The following SKIL variants were observed in gnomAD, a reference collection of about 807,000 sequenced individuals.
SKIL encodes ski-like protein.
In SKIL, 20 loss-of-function variants were observed where a neutral mutation model predicts 69.6. The observed-to-expected ratio is 0.29, with a 90% CI of 0.20 to 0.42. The LOEUF (loss-of-function observed/expected upper bound fraction) is 0.42, where lower values mean the gene tolerates loss of function less well. Ranked by LOEUF, SKIL falls within the 10% of genes least tolerant of loss-of-function variation. The probability of loss-of-function intolerance (pLI) is 1.00; values close to 1 mark genes in which losing one functional copy is unlikely to be tolerated. For synonymous variants in SKIL, 310 were observed against 279.9 expected (o/e 1.11, Z -1.08); for missense variants, 745 against 783.1 (o/e 0.95, Z 0.58).
At chr3:170,362,252 C>T (rs1736279688) in intron 2 of SKIL, among the ~76,000 whole-genome samples, 1 of 152,144 alleles carries the variant, frequency 6.6e-6, no homozygotes, top group Admixed American at 6.5e-5. Context: ...CCTGTAATCC[C>T]AACACTTTGG....
chr3:170,368,365 G>A (rs1457372596), intron 2 of SKIL, among the ~76,000 whole-genome samples: 9 of 152,156 alleles, frequency 5.9e-5, no homozygotes, highest in African/African-American at 2.2e-4. Flanking sequence ...TTGGAACCGA[G>A]TTCAAAGCCT....
intron 2 of SKIL, among the ~76,000 whole-genome samples, chr3:170,376,135 C>T (rs1457460794): frequency 6.7e-6 from 1 of 150,338 alleles, no homozygotes; most frequent in African/African-American, 2.5e-5. Flanking sequence ...GCAACCTCCA[C>T]CTCCTGGGTT....
At chr3:170,365,586 ACT>A (rs1478676953) in intron 2 of SKIL, among the ~76,000 whole-genome samples, 1 of 152,004 alleles carries the variant, frequency 6.6e-6, no homozygotes, top group Non-Finnish European at 1.5e-5. Flanking sequence ...TGGTTCTCAA[ACT>A]CTGTTTTAAC....
rs1256221261 is a variant in SKIL, at chr3:170,361,141, C to A, written c.810C>A (p.Gly270=). 6.2e-7 allele frequency: 1 copy of A among 1,614,168 alleles called. No homozygotes were observed. The highest frequency in any genetic ancestry group is 8.5e-7 in the Non-Finnish European group (1 of 1,180,032). ...TTGAAGTGGAGCATGAATGCCTAGG[C>A]AAATGTCAGGGTTTATTTGCACCCC... is the stretch of plus-strand genomic sequence containing the variant. The part of the protein sequence containing the change: ...SAFEVEHECL[G]KCQGLFAPQF... The change falls in exon 2 of 7, where the codon GGC becomes GGA. Residue 270 remains glycine (G), a synonymous_variant. Transcript: ENST00000259119.
chr3:170,380,375 G>A (rs941819006), intron 2 of SKIL, among the ~76,000 whole-genome samples: 27 of 152,140 alleles, frequency 1.8e-4, no homozygotes, highest in African/African-American at 6.5e-4. Flanking sequence ...AGGCTCAGTG[G>A]CTCATGCCTG....
chr3:170,390,702 G>A (rs1037264115), intron 5 of SKIL, among the ~76,000 whole-genome samples: 1 of 152,024 alleles, frequency 6.6e-6, no homozygotes, highest in Non-Finnish European at 1.5e-5. Flanking sequence ...GGCCAGGCTC[G>A]AACTTTTGAC....
At chr3:170,370,439 G>GCCCCC (rs34185518) in intron 2 of SKIL, among the ~76,000 whole-genome samples, 11 of 11,190 alleles carry the variant, frequency 9.8e-4, no homozygotes, top group Non-Finnish European at 1.4e-3. Context: ...GAGAGAGAGA[G>GCCCCC]CCCCCCCCCC....
rs919385991 is a variant in SKIL at position 170,360,095 on chromosome 3, C to T, written c.-237C>T. The T allele has an allele frequency of 2.0e-5, 8 of 406,408 alleles. No homozygotes were observed. Among genetic ancestry groups the T allele is most frequent in the African/African-American group, 6.2e-5 (3 of 48,446 alleles). The allele number at this position is 406,408 out of a possible 1,614,324, so 25.2% of individuals were successfully genotyped here. A position where few individuals can be genotyped will look rare whatever the true frequency, so the allele number is the denominator to read the frequency against. ...GCATCCTCAGAGGTGTGCCTCTTTT[C>T]TTTATTATTAGAGGCAAAACGAACA... On this transcript the variant is annotated 5_prime_UTR_variant, in exon 2 of 7. Coordinates refer to ENST00000259119, the MANE Select transcript of SKIL (RefSeq NM_005414.5).
chr3:170,363,634 A>G (rs1048609469), intron 2 of SKIL, among the ~76,000 whole-genome samples: 12 of 151,346 alleles, frequency 7.9e-5, no homozygotes, highest in African/African-American at 2.9e-4. Flanking sequence ...TACAGGCATC[A>G]GCCACCACAC....
chr3:170,367,806 T>C (rs913910053), intron 2 of SKIL, among the ~76,000 whole-genome samples: 1 of 152,174 alleles, frequency 6.6e-6, no homozygotes, highest in Non-Finnish European at 1.5e-5. Context: ...GGACTACTCT[T>C]AGGTAAGTAA....
At chr3:170,363,970 G>A (rs746960257) in intron 2 of SKIL, among the ~76,000 whole-genome samples, 21 of 151,510 alleles carry the variant, frequency 1.4e-4, no homozygotes, top group Middle Eastern at 3.4e-3. Context: ...TTTTTTTGTA[G>A]AGACAAGTCT....
intron 2 of SKIL, among the ~76,000 whole-genome samples, chr3:170,370,453 C>G (rs1323670472): frequency 2.7e-4 from 13 of 47,850 alleles, no homozygotes; most frequent in East Asian, 5.7e-4. Context: ...CCCCCCCCCC[C>G]CCGAGCAGGA....
At chr3:170,375,015 AATAG>A (rs1482680142) in intron 2 of SKIL, among the ~76,000 whole-genome samples, 1 of 152,226 alleles carries the variant, frequency 6.6e-6, no homozygotes, top group Non-Finnish European at 1.5e-5. Context: ...TTCAACAAAT[AATAG>A]ATATTTGATA....
chr3:170,367,868 T>G (rs1280149480), intron 2 of SKIL, among the ~76,000 whole-genome samples: 5 of 152,208 alleles, frequency 3.3e-5, no homozygotes, highest in African/African-American at 1.2e-4. Context: ...ATAGATTACT[T>G]ATGATACAAA....
intron 3 of SKIL, among the ~76,000 whole-genome samples, chr3:170,382,158 T>C (rs1737387087): frequency 6.6e-6 from 1 of 152,194 alleles, no homozygotes; most frequent in Non-Finnish European, 1.5e-5. Context: ...TGTTTCTATT[T>C]ATCATTATAG....
At chr3:170,366,200 TG>T (rs947236464) in intron 2 of SKIL, among the ~76,000 whole-genome samples, 1 of 152,044 alleles carries the variant, frequency 6.6e-6, no homozygotes, top group African/African-American at 2.4e-5. Flanking sequence ...AAAAAAGTCC[TG>T]AAACTCAGTA....
Position 170,392,555 on chromosome 3 carries a change from G to A in SKIL, c.*138G>A. 2.0e-6 allele frequency: 1 copy of A among 505,794 alleles called. No individual in the cohort carries two copies. The highest frequency in any genetic ancestry group is 3.5e-6 in the Non-Finnish European group (1 of 283,408). 31.3% of individuals were successfully genotyped at this position (505,794 alleles called of 1,614,324 possible). On this transcript the variant is annotated 3_prime_UTR_variant, in exon 7 of 7. Transcript: ENST00000259119. ...TATCCATTTGTAGATCAGAGAAAGT[G>A]AAGAGATTATATATTAGTACTTAAA...
intron 2 of SKIL, 38 bp from the exon 3 acceptor site, chr3:170,381,206 T>C (rs1162441521): frequency 9.0e-7 from 1 of 1,115,900 alleles, no homozygotes; most frequent in Non-Finnish European, 1.4e-6. Context: ...TTCACAGTTT[T>C]ACTTCAATAA....
At chr3:170,381,810 G>A (rs1361824245) in intron 3 of SKIL, among the ~76,000 whole-genome samples, 2 of 151,930 alleles carry the variant, frequency 1.3e-5, no homozygotes, top group Non-Finnish European at 2.9e-5. Context: ...GGCTGGGCGC[G>A]GTGGCTCATG....
Sources: allele counts gnomAD v4.1 joint callset (sites outside exome capture counted in the v4.1 genomes callset), GRCh38; gene constraint gnomAD v4.1.1; transcripts MANE v1.5; gene names NCBI Gene and HGNC (gene_info 2026-07-23, HGNC 2026-07-21).